NEK2: variants seen among roughly 807,000 people sequenced by gnomAD.
The protein encoded by NEK2 is NIMA related kinase 2, also known as serine/threonine-protein kinase Nek2.
A neutral mutation model predicts 54.1 loss-of-function variants in NEK2; 28 were observed. That is an observed-to-expected ratio of 0.52 (90% CI 0.38 to 0.71). The LOEUF (loss-of-function observed/expected upper bound fraction) is 0.71, where lower values mean the gene tolerates loss of function less well. Among genes scored for constraint, NEK2 ranks in the 30% least tolerant of loss-of-function variants. The pLI, the probability that NEK2 is intolerant of heterozygous loss-of-function variation, is 0.00. For synonymous variants in NEK2, 176 were observed against 193.1 expected (o/e 0.91, Z 0.73); for missense variants, 407 against 531.5 (o/e 0.77, Z 2.30).
At chr1:211,659,271 T>C (rs1159130089), downstream of NEK2, among the ~76,000 whole-genome samples, 2 of 152,014 alleles carry the variant, frequency 1.3e-5, no homozygotes, top group Non-Finnish European at 2.9e-5. Flanking sequence ...ATTACAGGAC[T>C]GGATTATGGG....
At chr1:211,660,240 G>A (rs1296930034), downstream of NEK2, 2 of 352,870 alleles carry the variant, frequency 5.7e-6, no homozygotes, top group African/African-American at 4.2e-5. Context: ...AGATGGCTGG[G>A]AGCAGGGGCA....
chr1:211,674,076 A>G (rs577534269), intron 2 of NEK2, among the ~76,000 whole-genome samples: 1 of 152,276 alleles, frequency 6.6e-6, no homozygotes. Flanking sequence ...TCGGCCTCCC[A>G]AAGTGTTGGG....
rs938439737 is a variant in NEK2, at chr1:211,662,806, G to C, written c.*620C>G. ...ACTGAAGAATTCTTTTATTTAGTGG[G>C]AAAGAAGTAGGTAAATGACAGACAG... On this transcript the variant is annotated 3_prime_UTR_variant, in exon 8 of 8. Coordinates refer to ENST00000366999, the MANE Select transcript of NEK2 (RefSeq NM_002497.4). This position sits in a 1 kb window ranked among gnomAD's most constrained non-coding sequence, Gnocchi z 4.2. The C allele has an allele frequency of 2.0e-6, 2 of 984,212 alleles. No individual in the cohort carries two copies. The highest frequency in any genetic ancestry group is 2.4e-6 in the Non-Finnish European group (2 of 829,318). The allele number at this position is 984,212 out of a possible 1,614,324, so 61.0% of individuals were successfully genotyped here. A position where few individuals can be genotyped will look rare whatever the true frequency, so the allele number is the denominator to read the frequency against.
chr1:211,673,403 G>A lies in NEK2; in HGVS notation c.555+80C>T, dbSNP rs924981717. On this transcript the variant is annotated intron_variant, in intron 3 of 7. Coordinates refer to ENST00000366999, the MANE Select transcript of NEK2 (RefSeq NM_002497.4). ...CACTCCAGCCTGGGCAACAGAGCGA[G>A]ACTCTGTCTCAAAAACAAACAAACA... 7.7e-6 allele frequency: 12 copies of A among 1,551,114 alleles called. No individual in the cohort carries two copies. In the Admixed American group the frequency reaches 1.7e-4, roughly 22 times the overall value.
intron 7 of NEK2, among the ~76,000 whole-genome samples, chr1:211,664,932 G>A (rs530071818): frequency 2.8e-4 from 43 of 152,274 alleles, no homozygotes; most frequent in African/African-American, 7.5e-4. Context: ...TGGACGCCTC[G>A]GCTTAAGTGA....
intron 5 of NEK2, 75 bp downstream of exon 5, chr1:211,670,206 C>T: frequency 2.1e-6 from 3 of 1,398,342 alleles, no homozygotes; most frequent in Non-Finnish European, 3.0e-6. Context: ...CTCCATTGAT[C>T]TACAAGAGAG....
chr1:211,662,510 C>A (rs568480493), downstream of NEK2, among the ~76,000 whole-genome samples: 10 of 152,276 alleles, frequency 6.6e-5, no homozygotes, highest in Non-Finnish European at 1.3e-4. This position sits in a 1 kb window ranked among gnomAD's most constrained non-coding sequence, Gnocchi z 4.2. Flanking sequence ...GCCAGTAGCA[C>A]CCTACCCCAA....
chr1:211,670,140 C>A, intron 5 of NEK2, 141 bp downstream of exon 5: 2 of 849,526 alleles, frequency 2.4e-6, no homozygotes, highest in African/African-American at 1.8e-5. Context: ...CATATGTTTT[C>A]ACTTGTGTTA....
intron 3 of NEK2, 35 bp downstream of exon 3, chr1:211,673,448 T>A (rs767693681): frequency 6.2e-7 from 1 of 1,607,300 alleles, no homozygotes; most frequent in African/African-American, 1.3e-5. Context: ...AAATAAAAGA[T>A]GTTTTAAAAA....
At chr1:211,673,851 G>T (rs1655485238) in intron 2 of NEK2, 128 bp from the exon 3 acceptor site, 11 of 983,886 alleles carry the variant, frequency 1.1e-5, no homozygotes, top group Admixed American at 3.0e-5. Flanking sequence ...TTGAGACAGG[G>T]TCTTACTCTG....
chr1:211,674,480 T>C lies in NEK2; in HGVS notation c.130A>G (p.Met44Val), dbSNP rs753966596. 1.6e-5 allele frequency: 26 copies of C among 1,613,700 alleles called. No individual in the cohort carries two copies. The highest frequency in any genetic ancestry group is 2.2e-5 in the Non-Finnish European group (26 of 1,179,754). The change falls in exon 2 of 8, where the codon ATG (methionine) becomes GTG (valine). Residue 44 changes from methionine to valine, a missense_variant. Transcript: ENST00000366999. ...AGCATCTGTTTCTCAGCTTCTGTCA[T>C]GGAGCCATAGTCAAGTTCTTTCCAA... ...LVWKELDYGSMTEAEKQMLVS... is the reference protein window; with the variant it reads ...LVWKELDYGSVTEAEKQMLVS...
chr1:211,659,357 G>A (rs1267278046), downstream of NEK2, among the ~76,000 whole-genome samples: 1 of 152,214 alleles, frequency 6.6e-6, no homozygotes, highest in African/African-American at 2.4e-5. Flanking sequence ...CTTGCATCAT[G>A]AGGAATAGCT....
At chr1:211,662,272 T>C (rs974445657), downstream of NEK2, among the ~76,000 whole-genome samples, 2 of 152,208 alleles carry the variant, frequency 1.3e-5, no homozygotes, top group African/African-American at 4.8e-5. This position sits in a 1 kb window ranked among gnomAD's most constrained non-coding sequence, Gnocchi z 4.2. Context: ...TTTCAGGATT[T>C]TAACATCTGG....
At chr1:211,665,928 T>C (rs759717897) in intron 7 of NEK2, among the ~76,000 whole-genome samples, 1 of 152,248 alleles carries the variant, frequency 6.6e-6, no homozygotes, top group Non-Finnish European at 1.5e-5. Flanking sequence ...ATAGCTTTCA[T>C]ATATGCTGTC....
chr1:211,665,034 T>A (rs992326201), intron 7 of NEK2, among the ~76,000 whole-genome samples: 18 of 152,214 alleles, frequency 1.2e-4, no homozygotes, highest in African/African-American at 4.1e-4. Flanking sequence ...AGAAAGTGTT[T>A]TAAAAACATT....
chr1:211,658,516 C>T (rs73075316), downstream of NEK2: 2,038 of 289,956 alleles, frequency 7.0e-3, 49 homozygotes, highest in African/African-American at 0.042. Flanking sequence ...AGGGGCTGGG[C>T]GCAATGGCTC....
At chr1:211,659,077 T>A (rs75396553), downstream of NEK2, among the ~76,000 whole-genome samples, 5,784 of 152,086 alleles carry the variant, frequency 0.038, 228 homozygotes, top group East Asian at 0.23. Flanking sequence ...TTTCATGGAG[T>A]CAAATTTGCA....
Position 211,675,377 on chromosome 1 carries a change from C to T in NEK2, c.96+7G>A, listed in dbSNP as rs1316110241. ...AGGGGCAGGCGCAGGGTAGGTCCCA[C>T]GCTCACCTTGCCATCACTCTTCCTC... is the stretch of plus-strand genomic sequence containing the variant. On this transcript the variant is annotated splice_region_variant and intron_variant, in intron 1 of 7. Coordinates refer to ENST00000366999, the MANE Select transcript of NEK2 (RefSeq NM_002497.4). 2 of 1,613,130 alleles carry T rather than the reference C, an allele frequency of 1.2e-6. No individual in the cohort carries two copies. Among genetic ancestry groups the T allele is most frequent in the Admixed American group, 1.7e-5 (1 of 59,996 alleles).
Position 211,669,338 on chromosome 1 carries a change from G to GA in NEK2, c.766-7dup, listed in dbSNP as rs1296702444. The GA allele has an allele frequency of 4.3e-6, 7 of 1,609,708 alleles. No individual in the cohort carries two copies. The highest frequency in any genetic ancestry group is 1.1e-5 in the South Asian group (1 of 90,840). The stretch of plus-strand genomic sequence containing the variant: ...ACAGAAGGTCGATGGTAATCCTGGG[G>GA]AAAAAATACTCAGTATTATAGTCAG... On this transcript the variant is annotated splice_region_variant and splice_polypyrimidine_tract_variant and intron_variant, in intron 5 of 7. Coordinates refer to ENST00000366999, the MANE Select transcript of NEK2 (RefSeq NM_002497.4).
Sources: gnomAD v4.1 joint callset for allele counts (sites outside exome capture counted in the v4.1 genomes callset) on GRCh38, gnomAD v4.1.1 for gene constraint, Gnocchi (gnomAD v3.1) non-coding constraint, MANE v1.5 for transcripts, NCBI Gene and HGNC (gene_info 2026-07-23, HGNC 2026-07-21) for gene names.